RNLS: variants seen among roughly 807,000 people sequenced by gnomAD.
The protein encoded by RNLS is renalase.
A neutral mutation model predicts 39.8 loss-of-function variants in RNLS; 39 were observed. The observed-to-expected ratio is 0.98, with a 90% CI of 0.76 to 1.28. RNLS has a LOEUF of 1.28. RNLS is among the 50% of genes most tolerant of loss of function. RNLS has a pLI of 0.00. For missense variants in RNLS, 410 were observed against 413.3 expected (o/e 0.99, Z 0.07); for synonymous variants, 147 against 150.7 (o/e 0.98, Z 0.18).
At chr10:88,561,513 A>G (rs555961490) in intron 4 of RNLS, among the ~76,000 whole-genome samples, 1 of 152,162 alleles carries the variant, frequency 6.6e-6, no homozygotes, top group Non-Finnish European at 1.5e-5. Flanking sequence ...AAAGACAAAA[A>G]ACAAAGCTAG....
intron 5 of RNLS, among the ~76,000 whole-genome samples, chr10:88,332,566 G>A (rs1311814477): frequency 1.3e-5 from 2 of 152,230 alleles, no homozygotes; most frequent in Non-Finnish European, 2.9e-5. Context: ...CCTCATTTGG[G>A]AGACTTAAGG....
chr10:88,208,893 G>T, the RNLS span, among the ~76,000 whole-genome samples: 1 of 152,044 alleles, frequency 6.6e-6, no homozygotes, highest in Non-Finnish European at 1.5e-5. Context: ...GTGTCATTTG[G>T]CAAGCATAGG....
At chr10:88,366,253 C>T (rs1227403900) in intron 4 of RNLS, among the ~76,000 whole-genome samples, 3 of 151,996 alleles carry the variant, frequency 2.0e-5, no homozygotes, top group East Asian at 1.9e-4. Flanking sequence ...TGGATTTACA[C>T]GGGAAGCTAC....
intron 4 of RNLS, among the ~76,000 whole-genome samples, chr10:88,454,629 A>C (rs186104595): frequency 1.5e-3 from 225 of 152,362 alleles, no homozygotes; most frequent in African/African-American, 4.7e-3. Context: ...CCTAACCAAC[A>C]ATTACCCAGA....
intron 4 of RNLS, among the ~76,000 whole-genome samples, chr10:88,389,781 C>T (rs1852089988): frequency 6.6e-6 from 1 of 152,124 alleles, no homozygotes; most frequent in Admixed American, 6.6e-5. Context: ...TGGGGGACTA[C>T]AAGATATACC....
chr10:88,261,313 T>G, the RNLS span, among the ~76,000 whole-genome samples: 1 of 152,222 alleles, frequency 6.6e-6, no homozygotes, highest in African/African-American at 2.4e-5. Context: ...AGACACCCTC[T>G]GCCCCCCACC....
intron 4 of RNLS, among the ~76,000 whole-genome samples, chr10:88,537,496 A>G (rs191374890): frequency 2.6e-5 from 4 of 152,360 alleles, no homozygotes; most frequent in African/African-American, 9.6e-5. Context: ...TGCTAGGTTC[A>G]TACCATGTGG....
At chr10:88,184,342 T>C in the RNLS span, among the ~76,000 whole-genome samples, 1 of 152,180 alleles carries the variant, frequency 6.6e-6, no homozygotes, top group African/African-American at 2.4e-5. Flanking sequence ...TCATTTGCGT[T>C]AAACAGTCAT....
At chr10:88,456,865 C>A (rs1293008615) in intron 4 of RNLS, among the ~76,000 whole-genome samples, 1 of 152,148 alleles carries the variant, frequency 6.6e-6, no homozygotes, top group Non-Finnish European at 1.5e-5. Context: ...GTGTACCTCA[C>A]CATCAGAATT....
At chr10:88,261,852 G>A in the RNLS span, among the ~76,000 whole-genome samples, 1 of 152,200 alleles carries the variant, frequency 6.6e-6, no homozygotes, top group Non-Finnish European at 1.5e-5. Context: ...AATGTGATAA[G>A]TGCCAAAAGC....
intron 4 of RNLS, among the ~76,000 whole-genome samples, chr10:88,506,446 T>C (rs2134132337): frequency 6.6e-6 from 1 of 152,172 alleles, no homozygotes; most frequent in South Asian, 2.1e-4. Context: ...TACTTTTAAG[T>C]GATGCATGCT....
At chr10:88,393,736 T>A (rs1345673552) in intron 4 of RNLS, among the ~76,000 whole-genome samples, 2 of 152,138 alleles carry the variant, frequency 1.3e-5, no homozygotes, top group Non-Finnish European at 2.9e-5. Flanking sequence ...CATTGCCAAG[T>A]CAATCTTAAG....
At chr10:88,459,333 G>A (rs1842813610) in intron 4 of RNLS, among the ~76,000 whole-genome samples, 1 of 152,038 alleles carries the variant, frequency 6.6e-6, no homozygotes, top group South Asian at 2.1e-4. Context: ...ACAGTGATTA[G>A]GTCCATTAGT....
chr10:88,444,107 C>T (rs1841898072), intron 4 of RNLS, among the ~76,000 whole-genome samples: 1 of 152,182 alleles, frequency 6.6e-6, no homozygotes, highest in South Asian at 2.1e-4. Flanking sequence ...CGGCTGGGTA[C>T]CCCTCTGAGA....
chr10:88,560,435 C>A (rs1342391732), intron 4 of RNLS, among the ~76,000 whole-genome samples: 1 of 152,014 alleles, frequency 6.6e-6, no homozygotes, highest in Non-Finnish European at 1.5e-5. Flanking sequence ...GTCCCACTAC[C>A]CTGAGCCCCA....
the RNLS span, among the ~76,000 whole-genome samples, chr10:88,184,425 A>G: frequency 2.0e-5 from 3 of 152,060 alleles, no homozygotes; most frequent in Non-Finnish European, 2.9e-5. Flanking sequence ...TTTGGGGGAG[A>G]CATTGAAATT....
the RNLS span, among the ~76,000 whole-genome samples, chr10:88,256,952 C>A: frequency 3.9e-4 from 60 of 152,046 alleles, no homozygotes; most frequent in East Asian, 0.011. Context: ...ATATTTTAGG[C>A]TTGTTTCAAG....
intron 6 of RNLS, among the ~76,000 whole-genome samples, chr10:88,304,341 G>C (rs1844761235): frequency 6.6e-6 from 1 of 152,110 alleles, no homozygotes; most frequent in South Asian, 2.1e-4. Flanking sequence ...TTCTGAACTG[G>C]CTGAGATGGC....
chr10:88,374,893 TG>T (rs987079794), intron 4 of RNLS, among the ~76,000 whole-genome samples: 2 of 152,158 alleles, frequency 1.3e-5, no homozygotes, highest in Non-Finnish European at 2.9e-5. Flanking sequence ...TATTCTGGCT[TG>T]ATGTCCATCT....
Sources: allele counts gnomAD v4.1 joint callset (sites outside exome capture counted in the v4.1 genomes callset), GRCh38; gene constraint gnomAD v4.1.1; transcripts MANE v1.5; gene names NCBI Gene and HGNC (gene_info 2026-07-23, HGNC 2026-07-21).